Variants in CNGA1 observed in about 807,000 individuals in gnomAD.
CNGA1 encodes cyclic nucleotide-gated channel alpha-1.
CNGA1 carries 53 observed loss-of-function variants against 69.7 expected under a neutral mutation model. The observed-to-expected ratio is 0.76, with a 90% CI of 0.61 to 0.96. The LOEUF (loss-of-function observed/expected upper bound fraction) is 0.96. Ranked by LOEUF, CNGA1 falls within the 40% of genes least tolerant of loss-of-function variation. CNGA1 has a pLI of 0.00. For missense variants in CNGA1, 739 were observed against 811.2 expected (o/e 0.91, Z 1.08); for synonymous variants, 249 against 283.5 (o/e 0.88, Z 1.22).
chr4:48,016,591 C>T lies in CNGA1; in HGVS notation c.-331G>A. 1 of 521,386 alleles carries T rather than the reference C, an allele frequency of 1.9e-6. No individual in the cohort carries two copies. Among genetic ancestry groups the T allele is most frequent in the Non-Finnish European group, 3.3e-6 (1 of 298,844 alleles). 32.3% of individuals were successfully genotyped at this position (521,386 alleles called of 1,614,324 possible). A position where few individuals can be genotyped will look rare whatever the true frequency, so the allele number is the denominator to read the frequency against. On this transcript the variant is annotated 5_prime_UTR_variant, in exon 1 of 11. Transcript: ENST00000514170. ...GCCAAGGGGCAGCTGCTACTCCTGC[C>T]AGATACACCAGTTATCACAGGCCGC...
chr4:47,990,130 A>G (rs1394282107), intron 2 of CNGA1, among the ~76,000 whole-genome samples: 1 of 152,178 alleles, frequency 6.6e-6, no homozygotes, highest in Non-Finnish European at 1.5e-5. Flanking sequence ...GAACAATATG[A>G]AATCAGTGCA....
rs1741705651 is a variant in CNGA1 at position 47,981,398 on chromosome 4, GTTGT to G, written c.-24_-21del. 6.6e-6 allele frequency: 1 copy of G among 152,188 alleles called. No individual in the cohort carries two copies. The highest frequency in any genetic ancestry group is 1.5e-5 in the Non-Finnish European group (1 of 68,034). The allele number at this position is 152,188 out of a possible 1,614,324, so 9.4% of individuals were successfully genotyped here. ...CGTTATCACTGGGTTCTTACCTTTG[GTTGT>G]TTAAGTAATATAACTTTGTCTTCTA... On this transcript the variant is annotated 5_prime_UTR_variant, in exon 3 of 11. Coordinates refer to ENST00000514170, the MANE Select transcript of CNGA1 (RefSeq NM_001379270.1).
chr4:47,936,515 G>T lies in CNGA1; in HGVS notation c.1967C>A (p.Thr656Asn). The change falls in exon 11 of 11, where the codon ACC becomes AAC. Residue 656 changes from threonine (T) to asparagine (N), a missense_variant. Transcript: ENST00000514170. ...CGGTTTCAGAAATTTCTCAACCTTG[G>T]TTAATCTTTGTTTCAGTTTCTGCTG... ...SMQQKLKQRLTKVEKFLKPLI... is the reference protein window; with the variant it reads ...SMQQKLKQRLNKVEKFLKPLI... 6.2e-7 allele frequency: 1 copy of T among 1,614,114 alleles called. No homozygotes were observed. Among genetic ancestry groups the T allele is most frequent in the Non-Finnish European group, 8.5e-7 (1 of 1,180,004 alleles).
chr4:47,980,857 C>T (rs1037968531), intron 3 of CNGA1, among the ~76,000 whole-genome samples: 1 of 152,156 alleles, frequency 6.6e-6, no homozygotes, highest in Non-Finnish European at 1.5e-5. Context: ...CTAGCTCCTT[C>T]ATAGAGTAGT....
chr4:47,989,992 C>A, intron 2 of CNGA1, among the ~76,000 whole-genome samples: 1 of 149,220 alleles, frequency 6.7e-6, no homozygotes, highest in East Asian at 1.9e-4. Context: ...TCTCTTAATC[C>A]CATCATCTTC....
intron 3 of CNGA1, among the ~76,000 whole-genome samples, chr4:47,956,604 G>A (rs188309759): frequency 5.3e-5 from 8 of 152,236 alleles, no homozygotes; most frequent in Admixed American, 6.5e-5. Flanking sequence ...TGTACAATTC[G>A]GTTTCTGCAA....
chr4:47,977,453 C>T (rs1019804516), intron 3 of CNGA1, among the ~76,000 whole-genome samples: 3 of 152,064 alleles, frequency 2.0e-5, no homozygotes, highest in African/African-American at 2.4e-5. Context: ...CACCAGCCTG[C>T]GGTATTCTGA....
chr4:47,945,063 C>CA (rs1219192616), intron 6 of CNGA1, among the ~76,000 whole-genome samples: 3 of 151,876 alleles, frequency 2.0e-5, no homozygotes, highest in Non-Finnish European at 4.4e-5. Flanking sequence ...CTTACTCCAT[C>CA]AAAAAAATCA....
intron 3 of CNGA1, among the ~76,000 whole-genome samples, chr4:47,960,243 A>C (rs937849932): frequency 6.6e-6 from 1 of 152,224 alleles, no homozygotes; most frequent in African/African-American, 2.4e-5. Context: ...AATGGCTAAA[A>C]TTTAAAAGAC....
At chr4:47,976,219 ACATATATATATACATATATATG>A (rs1741370812) in intron 3 of CNGA1, among the ~76,000 whole-genome samples, 3 of 71,496 alleles carry the variant, frequency 4.2e-5, no homozygotes, top group African/African-American at 1.1e-4. Context: ...ATATACACAT[ACATATATATATACATATATATG>A]TATATATATA....
chr4:47,977,998 G>A (rs1181842172), intron 3 of CNGA1, among the ~76,000 whole-genome samples: 3 of 152,010 alleles, frequency 2.0e-5, no homozygotes, highest in Non-Finnish European at 4.4e-5. Context: ...GGCTAATTTT[G>A]TATTTTTAGT....
intron 3 of CNGA1, among the ~76,000 whole-genome samples, chr4:47,967,525 A>G (rs868533700): frequency 1.1e-4 from 16 of 152,316 alleles, no homozygotes; most frequent in Middle Eastern, 3.4e-3. Flanking sequence ...AGATGACATA[A>G]TAGTGTATGT....
At chr4:47,971,168 TTGTGTGTGTGTG>T (rs34771990) in intron 3 of CNGA1, 46 of 385,636 alleles carry the variant, frequency 1.2e-4, no homozygotes, top group Non-Finnish European at 2.2e-4. Flanking sequence ...ATATCTATAT[TTGTGTGTGTGTG>T]TGTGTGTGTG....
intron 2 of CNGA1, among the ~76,000 whole-genome samples, chr4:48,006,630 ATT>A (rs71200913): frequency 0.18 from 26,611 of 151,412 alleles, 2,498 homozygotes; most frequent in Middle Eastern, 0.24. Context: ...AAAAGACATA[ATT>A]TTTTTTTGAG....
intron 3 of CNGA1, among the ~76,000 whole-genome samples, chr4:47,955,236 G>A (rs1740012638): frequency 1.4e-5 from 2 of 138,770 alleles, no homozygotes; most frequent in Admixed American, 1.5e-4. Context: ...AGGCTGGAGT[G>A]CAGTGGTGCG....
chr4:47,967,505 A>G (rs1168417093), intron 3 of CNGA1, among the ~76,000 whole-genome samples: 4 of 152,168 alleles, frequency 2.6e-5, no homozygotes, highest in Non-Finnish European at 5.9e-5. Flanking sequence ...AAGTAAAACT[A>G]TTTGTTTGTA....
At position 47,967,309 on chromosome 4, in the gene CNGA1, C is replaced by CA. The variant is rs554046959; in HGVS notation, c.-15+14083dup. Among the ~76,000 whole-genome samples the CA allele has an allele frequency of 4.6e-3, 700 of 150,722 alleles. 2 individuals carry two copies. Among genetic ancestry groups the CA allele is most frequent in the Non-Finnish European group, 7.3e-3 (492 of 67,628 alleles). On this transcript the variant is annotated intron_variant, in intron 3 of 10. Coordinates refer to ENST00000514170, the MANE Select transcript of CNGA1 (RefSeq NM_001379270.1). ...CAGAACCAGATTCTGTCTCAAAAAA[C>CA]AAAAAAACAAAACAAAAAAAAAGAA...
intron 10 of CNGA1, among the ~76,000 whole-genome samples, chr4:47,939,900 C>T (rs922160574): frequency 3.3e-5 from 5 of 152,176 alleles, no homozygotes; most frequent in African/African-American, 4.8e-5. Flanking sequence ...CTATCGTGGA[C>T]GCTTGGGTAC....
intron 2 of CNGA1, among the ~76,000 whole-genome samples, chr4:48,005,407 C>T (rs910290158): frequency 5.3e-5 from 8 of 152,154 alleles, no homozygotes; most frequent in African/African-American, 1.2e-4. Context: ...TGAGCCACCA[C>T]GCCCGGCCCT....
Sources: gnomAD v4.1 joint callset for allele counts (sites outside exome capture counted in the v4.1 genomes callset) on GRCh38, gnomAD v4.1.1 for gene constraint, MANE v1.5 for transcripts, NCBI Gene and HGNC (gene_info 2026-07-23, HGNC 2026-07-21) for gene names.